TRAPPC8: variants seen among roughly 807,000 people sequenced by gnomAD.
The protein encoded by TRAPPC8 is trafficking protein particle complex subunit 8.
A neutral mutation model predicts 174.3 loss-of-function variants in TRAPPC8; 54 were observed. That is an observed-to-expected ratio of 0.31 (90% CI 0.25 to 0.39). TRAPPC8 has a LOEUF of 0.39. TRAPPC8 is among the 10% of genes least tolerant of loss of function. The pLI is 1.00. For missense variants in TRAPPC8, 1,531 were observed against 1,699.1 expected (o/e 0.90, Z 1.74); for synonymous variants, 630 against 579.9 (o/e 1.09, Z -1.24).
intron 22 of TRAPPC8, 109 bp from the exon 23 acceptor site, chr18:31,852,772 T>C: frequency 1.2e-6 from 1 of 868,312 alleles, no homozygotes; most frequent in Non-Finnish European, 1.8e-6. Context: ...TTCGTAATTA[T>C]AAATAATGTT....
Position 31,873,430 on chromosome 18 carries a change from C to A in TRAPPC8, c.2062G>T (p.Gly688Cys). ...FFGHDRRPAD[G>C]EKQAATHVSL... ...TTAGGCTAAATAAAACTTTACTAAC[C>A]ATCCGCTGGTCGTCTGTCATGGCCA... The change falls in exon 14 of 29, where the codon GGT (glycine) becomes TGT (cysteine). Residue 688 changes from glycine (G) to cysteine (C), a missense_variant and splice_region_variant. By Grantham distance (159) the Gly-to-Cys change is radical. Coordinates refer to ENST00000283351, the MANE Select transcript of TRAPPC8 (RefSeq NM_014939.5). The A allele has an allele frequency of 6.2e-7, 1 of 1,609,572 alleles. No individual in the cohort carries two copies.
rs1024640775 is a variant in TRAPPC8 at position 31,942,953 on chromosome 18, C to A, written c.-189G>T. ...GTTTCTGGGGCACAATCCACTGACCCCCCCCTTCCCGTCACCGCCGCTTCT... is the reference window on the plus strand; with the variant it reads ...GTTTCTGGGGCACAATCCACTGACCACCCCCTTCCCGTCACCGCCGCTTCT... On this transcript the variant is annotated 5_prime_UTR_variant, in exon 1 of 29. Transcript: ENST00000283351. The A allele has an allele frequency of 9.5e-6, 11 of 1,159,576 alleles. No homozygotes were observed. The highest frequency in any genetic ancestry group is 3.2e-4 in the Middle Eastern group (1 of 3,102). The allele number at this position is 1,159,576 out of a possible 1,614,324, so 71.8% of individuals were successfully genotyped here.
intron 11 of TRAPPC8, among the ~76,000 whole-genome samples, chr18:31,893,123 T>G (rs558279906): frequency 4.6e-5 from 7 of 152,306 alleles, no homozygotes; most frequent in African/African-American, 1.7e-4. Flanking sequence ...AATTTTCCTA[T>G]GAATTGCCTG....
At chr18:31,913,732 T>C (rs183707208) in intron 4 of TRAPPC8, among the ~76,000 whole-genome samples, 4 of 152,210 alleles carry the variant, frequency 2.6e-5, no homozygotes, top group Admixed American at 2.6e-4. Context: ...ATGATGGCAA[T>C]TGAAATTTAG....
intron 12 of TRAPPC8, among the ~76,000 whole-genome samples, chr18:31,877,567 C>G (rs570534987): frequency 3.6e-5 from 5 of 140,074 alleles, no homozygotes; most frequent in East Asian, 2.1e-4. Flanking sequence ...GAGCCAAGAT[C>G]GCGCCACTGC....
At position 31,830,250 on chromosome 18, in the gene TRAPPC8, G is replaced by A. The variant is rs919608436; in HGVS notation, c.*505C>T. The A allele has an allele frequency of 1.3e-5, 2 of 152,686 alleles. No homozygotes were observed. Among genetic ancestry groups the A allele is most frequent in the African/African-American group, 4.8e-5 (2 of 41,396 alleles). 9.5% of individuals were successfully genotyped at this position (152,686 alleles called of 1,614,324 possible). A position where few individuals can be genotyped will look rare whatever the true frequency, so the allele number is the denominator to read the frequency against. ...TAAGTCATAGGGACCACCAAATACT[G>A]AAATATGAAGACTCTATGACCAAAG... On this transcript the variant is annotated 3_prime_UTR_variant, in exon 29 of 29. Coordinates refer to ENST00000283351, the MANE Select transcript of TRAPPC8 (RefSeq NM_014939.5).
chr18:31,912,730 T>C (rs1568128321), intron 5 of TRAPPC8, among the ~76,000 whole-genome samples: 1 of 152,134 alleles, frequency 6.6e-6, no homozygotes, highest in Non-Finnish European at 1.5e-5. Flanking sequence ...AAGAATTGAC[T>C]GTAGGCATTC....
chr18:31,917,657 TGGA>T lies in TRAPPC8; in HGVS notation c.360_362del (p.Pro121del). 1 of 1,612,384 alleles carries T rather than the reference TGGA, an allele frequency of 6.2e-7. No individual in the cohort carries two copies. Among genetic ancestry groups the T allele is most frequent in the Non-Finnish European group, 8.5e-7 (1 of 1,179,364 alleles). On this transcript the variant is annotated inframe_deletion, in exon 3 of 29. Transcript: ENST00000283351. The stretch of plus-strand genomic sequence containing the variant: ...AGGTTTCTCTGTAAGACTCAAACCA[TGGA>T]GTAGTGGCTAAAATTAACAATATAC...
At chr18:31,855,910 C>A (rs562993404) in intron 20 of TRAPPC8, 103 bp from the exon 21 acceptor site, 1 of 1,226,514 alleles carries the variant, frequency 8.2e-7, no homozygotes, top group East Asian at 2.7e-5. Flanking sequence ...ACTCTCAGGA[C>A]CATTTATACT....
At position 31,942,955 on chromosome 18, in the gene TRAPPC8, C is replaced by A; in HGVS notation, c.-191G>T. ...TTCTGGGGCACAATCCACTGACCCC[C>A]CCCTTCCCGTCACCGCCGCTTCTCA... On this transcript the variant is annotated 5_prime_UTR_variant, in exon 1 of 29. Coordinates refer to ENST00000283351, the MANE Select transcript of TRAPPC8 (RefSeq NM_014939.5). The A allele has an allele frequency of 8.7e-7, 1 of 1,153,458 alleles. No homozygotes were observed. Among genetic ancestry groups the A allele is most frequent in the Non-Finnish European group, 1.1e-6 (1 of 914,764 alleles). The allele number at this position is 1,153,458 out of a possible 1,614,324, so 71.5% of individuals were successfully genotyped here.
chr18:31,857,581 A>G lies in TRAPPC8; in HGVS notation c.3147T>C (p.Phe1049=). 3 of 1,608,080 alleles carry G rather than the reference A, an allele frequency of 1.9e-6. No homozygotes were observed. Among genetic ancestry groups the G allele is most frequent in the African/African-American group, 2.7e-5 (2 of 74,678 alleles). ...PDEEGVHEIN[F]LFYYESVKKQ... is the part of the protein sequence containing the mutation. The stretch of plus-strand genomic sequence containing the variant: ...TTTTGACACTTTCATAGTAAAACAA[A>G]AAGTTAATTTCATGGACACCTTCTT... The change falls in exon 20 of 29, where the codon TTT becomes TTC. Residue 1049 remains phenylalanine (F), a synonymous_variant. Transcript: ENST00000283351.
chr18:31,831,085 G>T (rs929532871), intron 28 of TRAPPC8, 96 bp from the exon 29 acceptor site: 2 of 994,986 alleles, frequency 2.0e-6, no homozygotes, highest in Non-Finnish European at 3.0e-6. Flanking sequence ...GGGCGCGGTG[G>T]CTCACGCCTG....
chr18:31,919,590 A>T (rs2037297931), intron 2 of TRAPPC8, among the ~76,000 whole-genome samples: 1 of 60,310 alleles, frequency 1.7e-5, no homozygotes, highest in Non-Finnish European at 3.9e-5. Flanking sequence ...ATAAATAAAT[A>T]AAATAATAAT....
chr18:31,908,957 C>T lies in TRAPPC8; in HGVS notation c.919G>A (p.Asp307Asn), dbSNP rs965486940. The part of the protein sequence containing the change: ...AHPLQLEQSS[D>N]PSNSIDGPDH... ...GGGCCATCAATACTGTTAGAAGGGT[C>T]ACTGGATTGCTCCAACTGAAGTGGG... Residue 307 changes from aspartate (D) to asparagine (N), a missense_variant, in exon 7 of 29, where the codon GAC (aspartate) becomes AAC (asparagine). Physicochemically the swap from Asp to Asn is conservative, Grantham distance 23. Transcript: ENST00000283351. 9 of 1,613,038 alleles carry T rather than the reference C, an allele frequency of 5.6e-6. No homozygotes were observed. Among genetic ancestry groups the T allele is most frequent in the Non-Finnish European group, 7.6e-6 (9 of 1,179,468 alleles).
Position 31,943,098 on chromosome 18 carries a change from G to A in TRAPPC8, c.-334C>T, listed in dbSNP as rs1347432634. ...GCCCGGCCGGAACCGCCATGTTGAG[G>A]CCGAACCCTGACCAACCGGCAGTAC... On this transcript the variant is annotated 5_prime_UTR_variant, in exon 1 of 29. Coordinates refer to ENST00000283351, the MANE Select transcript of TRAPPC8 (RefSeq NM_014939.5). The A allele has an allele frequency of 4.8e-6, 2 of 412,974 alleles. No individual in the cohort carries two copies. Among genetic ancestry groups the A allele is most frequent in the East Asian group, 7.1e-5 (2 of 28,104 alleles). The allele number at this position is 412,974 out of a possible 1,614,324, so 25.6% of individuals were successfully genotyped here.
At position 31,830,475 on chromosome 18, in the gene TRAPPC8, T is replaced by TTTA; in HGVS notation, c.*279_*280insTAA. ...GTTGTAACAGCAGACTTAGACTTTGTGTTTTCTTAAGATGGGGCTTAATAA... is the reference window on the plus strand; with the variant it reads ...GTTGTAACAGCAGACTTAGACTTTGTTTAGTTTTCTTAAGATGGGGCTTAATAA... On this transcript the variant is annotated 3_prime_UTR_variant, in exon 29 of 29. Transcript: ENST00000283351. 2.8e-6 allele frequency: 1 copy of TTTA among 357,062 alleles called. No individual in the cohort carries two copies. The allele number at this position is 357,062 out of a possible 1,614,324, so 22.1% of individuals were successfully genotyped here.
At chr18:31,831,011 A>C in intron 28 of TRAPPC8, 22 bp from the exon 29 acceptor site, 1 of 1,578,840 alleles carries the variant, frequency 6.3e-7, no homozygotes, top group East Asian at 2.3e-5. Flanking sequence ...GGAAAATGTA[A>C]GTTGCAGGAT....
Position 31,882,860 on chromosome 18 carries a change from C to T in TRAPPC8, c.1728+7875G>A, listed in dbSNP as rs149677157. Among the ~76,000 whole-genome samples, 803 of 149,576 alleles carry T rather than the reference C, an allele frequency of 5.4e-3. 7 individuals carry two copies. The highest frequency in any genetic ancestry group is 0.019 in the African/African-American group (763 of 40,920). On this transcript the variant is annotated intron_variant, in intron 12 of 28. Coordinates refer to ENST00000283351, the MANE Select transcript of TRAPPC8 (RefSeq NM_014939.5). ...TCGAACTCCTGAACTCGTGGTCCACCCACCTCAGCCACCCAAAGTACTGGG... is the reference window on the plus strand; with the variant it reads ...TCGAACTCCTGAACTCGTGGTCCACTCACCTCAGCCACCCAAAGTACTGGG...
At chr18:31,909,787 T>C in intron 5 of TRAPPC8, 27 bp from the exon 6 acceptor site, 1 of 1,446,190 alleles carries the variant, frequency 6.9e-7, no homozygotes. Flanking sequence ...TAAAAAGCAT[T>C]AGCAGTTATA....
Sources: gnomAD v4.1 joint callset for allele counts (sites outside exome capture counted in the v4.1 genomes callset) on GRCh38, gnomAD v4.1.1 for gene constraint, MANE v1.5 for transcripts, NCBI Gene and HGNC (gene_info 2026-07-23, HGNC 2026-07-21) for gene names.